The following REV3L variants were observed in gnomAD, a reference collection of about 807,000 sequenced individuals.
The protein encoded by REV3L is REV3 like, DNA directed polymerase zeta catalytic subunit, also known as DNA polymerase zeta catalytic subunit.
Under a neutral mutation model 299.4 loss-of-function variants are expected in REV3L, and 69 were observed. That is an observed-to-expected ratio of 0.23 (90% CI 0.19 to 0.28). The LOEUF is 0.28. Ranked by LOEUF, REV3L falls within the 10% of genes least tolerant of loss-of-function variation. The pLI is 1.00. For synonymous variants in REV3L, 1,238 were observed against 1,271.4 expected, an observed-to-expected ratio of 0.97 and a Z score of 0.56; for missense variants, 3,128 against 3,693.8, an observed-to-expected ratio of 0.85 and a Z score of 3.97.
intron 15 of REV3L, 82 bp downstream of exon 15, chr6:111,365,164 CCAAAATTTTTTAATTGAGA>C: frequency 1.3e-6 from 1 of 782,406 alleles, no homozygotes; most frequent in Non-Finnish European, 1.9e-6. Flanking sequence ...ATTTAAGTAA[CCAAAATTTTTTAATTGAGA>C]CAAAGTTAAC....
At chr6:111,481,715 A>G (rs1456792314) in intron 1 of REV3L, among the ~76,000 whole-genome samples, 5 of 152,198 alleles carry the variant, frequency 3.3e-5, no homozygotes, top group Non-Finnish European at 5.9e-5. Context: ...AAGATGCATT[A>G]TTTCCTAGAA....
intron 2 of REV3L, among the ~76,000 whole-genome samples, chr6:111,413,507 A>G (rs1256836079): frequency 6.6e-6 from 1 of 152,114 alleles, no homozygotes; most frequent in African/African-American, 2.4e-5. Flanking sequence ...CAAGGTCATG[A>G]TCCTATCTCT....
intron 1 of REV3L, among the ~76,000 whole-genome samples, chr6:111,440,131 A>T (rs1305268939): frequency 6.6e-6 from 1 of 151,936 alleles, no homozygotes; most frequent in East Asian, 1.9e-4. Flanking sequence ...CAATGGCACA[A>T]TCTTGGCTCA....
chr6:111,376,439 T>C lies in REV3L; in HGVS notation c.1916A>G (p.Asn639Ser), dbSNP rs757695334. 3.0e-5 allele frequency: 48 copies of C among 1,613,776 alleles called. No individual in the cohort carries two copies. The highest frequency in any genetic ancestry group is 1.7e-4 in the Middle Eastern group (1 of 6,054). ...GSLSSTVHSE[N>S]SHKENSKKEI... ...TTTCTTACTATTCTCTTTATGAGAA[T>C]TTTCTGAATGAACAGTACTGCTTAA... is the stretch of plus-strand genomic sequence containing the variant. The change falls in exon 13 of 32, where the codon AAT (asparagine) becomes AGT (serine). Residue 639 changes from asparagine to serine, a missense_variant. Physicochemically the swap from Asn to Ser is conservative, Grantham distance 46. Coordinates refer to ENST00000368802, the MANE Select transcript of REV3L (RefSeq NM_001372078.1).
At chr6:111,328,663 G>T (rs1036694113) in intron 25 of REV3L, among the ~76,000 whole-genome samples, 6 of 152,140 alleles carry the variant, frequency 3.9e-5, no homozygotes, top group African/African-American at 1.4e-4. Flanking sequence ...TATATATTTA[G>T]GCTTGGCATG....
intron 1 of REV3L, among the ~76,000 whole-genome samples, chr6:111,457,406 CACA>C (rs935914859): frequency 4.0e-5 from 6 of 151,872 alleles, no homozygotes; most frequent in African/African-American, 1.2e-4. Flanking sequence ...ATTTTATCAT[CACA>C]ACAATAGCCA....
chr6:111,312,212 C>T (rs1773061872), intron 28 of REV3L: 1 of 152,030 alleles, frequency 6.6e-6, no homozygotes, highest in Non-Finnish European at 1.5e-5. Context: ...TACAATTCTG[C>T]CTACAGAGAA....
rs552734899 is a variant in REV3L, at chr6:111,302,268, C to G, written c.9253-2112G>C. Among the ~76,000 whole-genome samples, 13 of 152,336 alleles carry G rather than the reference C, an allele frequency of 8.5e-5. No individual in the cohort carries two copies. The South Asian group carries it at 2.5e-3, about 29-fold the overall frequency. ...CTAATTAGATCTCTGCCAAGAGACT[C>G]AAATCTATTCCCAAATATAGAATTT... On this transcript the variant is annotated intron_variant, in intron 31 of 31. Transcript: ENST00000368802.
chr6:111,431,142 A>T, intron 1 of REV3L: 1 of 1,525,772 alleles, frequency 6.6e-7, no homozygotes, highest in Non-Finnish European at 9.1e-7. Flanking sequence ...CAGATCTTCC[A>T]AGCGATCTCA....
chr6:111,359,520 G>A (rs1418300383), intron 16 of REV3L, among the ~76,000 whole-genome samples: 270 of 102,560 alleles, frequency 2.6e-3, no homozygotes, highest in Middle Eastern at 7.6e-3. Flanking sequence ...AGTTTTTCCT[G>A]AAAAAAAAAA....
At chr6:111,346,963 A>G (rs991252792) in intron 20 of REV3L, among the ~76,000 whole-genome samples, 2 of 152,154 alleles carry the variant, frequency 1.3e-5, no homozygotes, top group Non-Finnish European at 2.9e-5. Context: ...AGGCAATATC[A>G]GACTATACAT....
intron 21 of REV3L, among the ~76,000 whole-genome samples, chr6:111,338,311 CCTTTTTTTTTTT>C (rs1776120942): frequency 1.6e-4 from 8 of 49,034 alleles, no homozygotes; most frequent in Non-Finnish European, 2.8e-4. Flanking sequence ...AGTCTAAAGT[CCTTTTTTTTTTT>C]TTTTTTTTTT....
chr6:111,441,069 A>T (rs1223335927), intron 1 of REV3L, among the ~76,000 whole-genome samples: 2 of 152,134 alleles, frequency 1.3e-5, no homozygotes, highest in African/African-American at 4.8e-5. Flanking sequence ...TGATATGTGT[A>T]GGTGTTTAAT....
At chr6:111,410,521 G>C (rs538868926) in intron 3 of REV3L, among the ~76,000 whole-genome samples, 1 of 152,352 alleles carries the variant, frequency 6.6e-6, no homozygotes, top group South Asian at 2.1e-4. Context: ...AGAGTCCACA[G>C]AAATTGCTCT....
At chr6:111,311,480 GA>G in intron 28 of REV3L, 1 of 356,068 alleles carries the variant, frequency 2.8e-6, no homozygotes, top group South Asian at 1.1e-4. Flanking sequence ...GTAGTTTAAG[GA>G]AAACCATGTG....
rs141701694 is a variant in REV3L at position 111,329,616 on chromosome 6, C to T, written c.8157G>A (p.Ala2719=). The change falls in exon 25 of 32, where the codon GCG becomes GCA. Residue 2719 remains alanine (A), a synonymous_variant. Coordinates refer to ENST00000368802, the MANE Select transcript of REV3L (RefSeq NM_001372078.1). ...CTATCAGCTTAAGTCCCAACTGACGCGCATCAAGCATTCGTGACAGGGCTC... is the reference window on the plus strand; with the variant it reads ...CTATCAGCTTAAGTCCCAACTGACGTGCATCAAGCATTCGTGACAGGGCTC... ...QDRALSRMLD[A]RQLGLKLIAN... 2.8e-5 allele frequency: 46 copies of T among 1,614,132 alleles called. No individual in the cohort carries two copies. The East Asian group carries it at 4.0e-4, about 14-fold the overall frequency.
In REV3L at chr6:111,325,276, A is replaced by T. The variant is rs780086010; in HGVS notation, c.8242-2598T>A. Among the ~76,000 whole-genome samples, 6 of 152,372 alleles carry T rather than the reference A, an allele frequency of 3.9e-5. No homozygotes were observed. The South Asian group carries it at 6.2e-4, about 16-fold the overall frequency. Reference sequence around the variant, plus strand: ...TAAAAGGCACAAATATACCTTTATCATAAATATGAATGACCAATAATTTAG... The same window carrying T: ...TAAAAGGCACAAATATACCTTTATCTTAAATATGAATGACCAATAATTTAG... On this transcript the variant is annotated intron_variant, in intron 25 of 31. Transcript: ENST00000368802.
intron 1 of REV3L, among the ~76,000 whole-genome samples, chr6:111,475,602 A>G (rs1050924254): frequency 6.6e-6 from 1 of 152,164 alleles, no homozygotes; most frequent in African/African-American, 2.4e-5. Flanking sequence ...TATATTATAA[A>G]TAAAGTTGTA....
At chr6:111,348,699 G>A (rs934493405) in intron 20 of REV3L, among the ~76,000 whole-genome samples, 4 of 152,190 alleles carry the variant, frequency 2.6e-5, no homozygotes, top group African/African-American at 9.6e-5. Context: ...ACCCAGGCTT[G>A]AGTGCAGTGG....
Sources: gnomAD v4.1 joint callset for allele counts (sites outside exome capture counted in the v4.1 genomes callset) on GRCh38, gnomAD v4.1.1 for gene constraint, MANE v1.5 for transcripts, NCBI Gene and HGNC (gene_info 2026-07-23, HGNC 2026-07-21) for gene names.